HIBCH: variants seen among roughly 807,000 people sequenced by gnomAD.
HIBCH encodes the protein 3-hydroxyisobutyryl-CoA hydrolase, mitochondrial.
A neutral mutation model predicts 58.2 loss-of-function variants in HIBCH; 50 were observed. The ratio of observed to expected loss-of-function variants is 0.86; its 90% CI spans 0.68 to 1.09. The LOEUF is 1.09. Among genes scored for constraint, HIBCH ranks in the 50% least tolerant of loss-of-function variants. The pLI is 0.00. For synonymous variants in HIBCH, 151 were observed against 146.9 expected, an observed-to-expected ratio of 1.03 and a Z score of -0.20; for missense variants, 450 against 449.7, an observed-to-expected ratio of 1.00 and a Z score of -0.01.
At chr2:190,319,633 A>C in intron 1 of HIBCH, 83 bp downstream of exon 1, 2 of 1,200,910 alleles carry the variant, frequency 1.7e-6, no homozygotes, top group Non-Finnish European at 2.4e-6. Flanking sequence ...CTTCGAGGCC[A>C]GCAGTCTCCA....
At chr2:190,292,881 TAAATTA>T (rs1403526240) in intron 4 of HIBCH, among the ~76,000 whole-genome samples, 1 of 152,232 alleles carries the variant, frequency 6.6e-6, no homozygotes, top group African/African-American at 2.4e-5. Flanking sequence ...TAGTTCCATC[TAAATTA>T]AAATTAAATG....
chr2:190,288,300 A>G (rs1687881601), intron 5 of HIBCH, among the ~76,000 whole-genome samples: 1 of 151,904 alleles, frequency 6.6e-6, no homozygotes, highest in South Asian at 2.1e-4. Context: ...CTTTTGTGAA[A>G]CTAGATAAAA....
At position 190,244,955 on chromosome 2, in the gene HIBCH, T is replaced by C; in HGVS notation, c.823A>G (p.Asn275Asp). 1 of 1,604,922 alleles carries C rather than the reference T, an allele frequency of 6.2e-7. No individual in the cohort carries two copies. Among genetic ancestry groups the C allele is most frequent in the Non-Finnish European group, 8.5e-7 (1 of 1,171,646 alleles). Reference protein sequence around the residue: ...MDKINSCFSANTVEEIIENLQ... With the variant: ...MDKINSCFSADTVEEIIENLQ... ...TTTTCAATAATTTCTTCCACAGTAT[T>C]GGCTGAAAAACAACTATAAAAAAAG... Residue 275 changes from asparagine to aspartate, a missense_variant, in exon 11 of 14, where the codon AAT becomes GAT. Coordinates refer to ENST00000359678, the MANE Select transcript of HIBCH (RefSeq NM_014362.4).
At position 190,278,395 on chromosome 2, in the gene HIBCH, G is replaced by T. The variant is rs564749773; in HGVS notation, c.438+9191C>A. On this transcript the variant is annotated intron_variant, in intron 6 of 13. Coordinates refer to ENST00000359678, the MANE Select transcript of HIBCH (RefSeq NM_014362.4). ...AATTTTGTATTTTTAGTAGAGAGGGGATTTCGCCACGTTGGCCAGGCTGGT... is the reference window on the plus strand; with the variant it reads ...AATTTTGTATTTTTAGTAGAGAGGGTATTTCGCCACGTTGGCCAGGCTGGT... Among the ~76,000 whole-genome samples, 182 of 152,168 alleles carry T rather than the reference G, an allele frequency of 1.2e-3. 2 individuals are homozygous for T. The highest frequency in any genetic ancestry group is 6.8e-3 in the Middle Eastern group (2 of 294).
intron 6 of HIBCH, among the ~76,000 whole-genome samples, chr2:190,283,845 A>G (rs1030832330): frequency 1.3e-5 from 2 of 152,220 alleles, no homozygotes; most frequent in African/African-American, 4.8e-5. Context: ...TATATTCTCA[A>G]TTCTCCCAAG....
At chr2:190,277,353 T>G (rs1687580970) in intron 6 of HIBCH, among the ~76,000 whole-genome samples, 1 of 152,208 alleles carries the variant, frequency 6.6e-6, no homozygotes, top group Non-Finnish European at 1.5e-5. Context: ...TTTTCTATAC[T>G]GGAAAAAATA....
intron 4 of HIBCH, among the ~76,000 whole-genome samples, chr2:190,294,253 C>T (rs1354015615): frequency 2.6e-5 from 4 of 151,480 alleles, no homozygotes; most frequent in East Asian, 3.9e-4. Flanking sequence ...ATAAAGTGGA[C>T]CCATATACCC....
At chr2:190,263,807 C>T (rs1278919879) in intron 6 of HIBCH, among the ~76,000 whole-genome samples, 1 of 152,152 alleles carries the variant, frequency 6.6e-6, no homozygotes, top group East Asian at 1.9e-4. Context: ...CTTTCTACCC[C>T]ACAATGTAAT....
At chr2:190,301,353 G>A (rs1477198013) in intron 2 of HIBCH, among the ~76,000 whole-genome samples, 1 of 152,210 alleles carries the variant, frequency 6.6e-6, no homozygotes, top group African/African-American at 2.4e-5. Flanking sequence ...CATCTCAAAA[G>A]AGAAGCACTT....
chr2:190,270,268 CT>C lies in HIBCH; in HGVS notation c.439-9035del, dbSNP rs33918420. On this transcript the variant is annotated intron_variant, in intron 6 of 13. Coordinates refer to ENST00000359678, the MANE Select transcript of HIBCH (RefSeq NM_014362.4). ...GTAAAAATAAATTTAGTTATTACAC[CT>C]TTTTTTTTTTTAAAAAAAAAGATAT... Among the ~76,000 whole-genome samples the C allele has an allele frequency of 7.8e-3, 1,122 of 143,456 alleles. 11 individuals carry two copies. Among genetic ancestry groups the C allele is most frequent in the African/African-American group, 0.027 (1,025 of 38,332 alleles). 94.1% of individuals were successfully genotyped at this position (143,456 alleles called of 152,430 possible). A position where few individuals can be genotyped will look rare whatever the true frequency, so the allele number is the denominator to read the frequency against.
chr2:190,234,128 G>A (rs1686192027), intron 11 of HIBCH, among the ~76,000 whole-genome samples: 2 of 152,204 alleles, frequency 1.3e-5, no homozygotes, highest in Admixed American at 1.3e-4. Flanking sequence ...CTGCACTCTA[G>A]CCTGGGCAAC....
chr2:190,223,936 T>C (rs934890921), intron 11 of HIBCH, among the ~76,000 whole-genome samples: 4 of 152,168 alleles, frequency 2.6e-5, no homozygotes, highest in Non-Finnish European at 4.4e-5. Context: ...CCACAGAATA[T>C]GAGCCAAAGC....
chr2:190,293,803 CT>C (rs1320753762), intron 4 of HIBCH, among the ~76,000 whole-genome samples: 3 of 151,686 alleles, frequency 2.0e-5, no homozygotes, highest in African/African-American at 7.2e-5. Flanking sequence ...TTTCAATATA[CT>C]GTACATATAA....
chr2:190,302,092 C>T (rs1688278188), intron 2 of HIBCH, among the ~76,000 whole-genome samples: 1 of 151,442 alleles, frequency 6.6e-6, no homozygotes, highest in Non-Finnish European at 1.5e-5. Flanking sequence ...AATGAACTGT[C>T]AACTGAAGAA....
chr2:190,274,116 C>G (rs1378144942), intron 6 of HIBCH, among the ~76,000 whole-genome samples: 1 of 152,136 alleles, frequency 6.6e-6, no homozygotes, highest in Non-Finnish European at 1.5e-5. Flanking sequence ...AGGTTCCATA[C>G]TAAGTAAAAT....
At chr2:190,251,685 TA>T (rs551094989) in intron 8 of HIBCH, 4,342 of 178,752 alleles carry the variant, frequency 0.024, 6 homozygotes, top group South Asian at 0.049. Flanking sequence ...GTTTTTTTTT[TA>T]AAAAAAAAAA....
intron 6 of HIBCH, among the ~76,000 whole-genome samples, chr2:190,268,782 A>T (rs999695343): frequency 1.3e-5 from 2 of 152,232 alleles, no homozygotes; most frequent in African/African-American, 4.8e-5. Context: ...GCTAACCCAT[A>T]GGCAGCATGC....
At position 190,310,445 on chromosome 2, in the gene HIBCH, ATAT is replaced by A. The variant is rs111697949; in HGVS notation, c.78+306_78+308del. Among the ~76,000 whole-genome samples, 874 of 152,336 alleles carry A rather than the reference ATAT, an allele frequency of 5.7e-3. 5 individuals carry two copies. Among genetic ancestry groups the A allele is most frequent in the African/African-American group, 0.02 (828 of 41,572 alleles). On this transcript the variant is annotated intron_variant, in intron 2 of 13. Transcript: ENST00000359678. Reference sequence around the variant, plus strand: ...ATCATTTATAAGCACTCTAAGGTAGATATTATTATTATTCTCACTTTATACATA... The same window carrying A: ...ATCATTTATAAGCACTCTAAGGTAGATATTATTATTCTCACTTTATACATA...
At chr2:190,245,626 A>G (rs999763548) in intron 10 of HIBCH, among the ~76,000 whole-genome samples, 16 of 152,164 alleles carry the variant, frequency 1.1e-4, no homozygotes, top group African/African-American at 3.9e-4. Flanking sequence ...TTCTCATGGT[A>G]GATTACTTAA....
Sources: gnomAD v4.1 joint callset for allele counts (sites outside exome capture counted in the v4.1 genomes callset) on GRCh38, gnomAD v4.1.1 for gene constraint, MANE v1.5 for transcripts, NCBI Gene and HGNC (gene_info 2026-07-23, HGNC 2026-07-21) for gene names.